The following SNRPA variants were observed in gnomAD, a reference collection of about 807,000 sequenced individuals.
SNRPA encodes U1 small nuclear ribonucleoprotein A.
A neutral mutation model predicts 24.5 loss-of-function variants in SNRPA; 10 were observed. The ratio of observed to expected loss-of-function variants is 0.41; its 90% confidence interval spans 0.25 to 0.69. The LOEUF (loss-of-function observed/expected upper bound fraction) is 0.69. Ranked by LOEUF, SNRPA falls within the 30% of genes least tolerant of loss-of-function variation. The pLI is 0.33. For synonymous variants in SNRPA, 165 were observed against 148.4 expected (o/e 1.11, Z -0.81); for missense variants, 283 against 394.7 (o/e 0.72, Z 2.40).
At chr19:40,752,579 C>CAAAA (rs59705765) in intron 1 of SNRPA, among the ~76,000 whole-genome samples, 23 of 61,248 alleles carry the variant, frequency 3.8e-4, no homozygotes, top group South Asian at 7.2e-4. Flanking sequence ...CTTTTCTCTA[C>CAAAA]AAAAAAAAAA....
At chr19:40,757,667 G>T (rs1376719342) in intron 2 of SNRPA, among the ~76,000 whole-genome samples, 163 bp downstream of exon 2, 2 of 152,020 alleles carry the variant, frequency 1.3e-5, no homozygotes, top group Non-Finnish European at 2.9e-5. Context: ...CTTTGGCCGA[G>T]GGCGGTGGCT....
chr19:40,763,106 T>A, intron 4 of SNRPA, 32 bp downstream of exon 4: 1 of 1,497,138 alleles, frequency 6.7e-7, no homozygotes. Context: ...CCAGGTCTCA[T>A]ATAAATAGTG....
intron 1 of SNRPA, chr19:40,757,006 C>G (rs2082911300): frequency 3.3e-6 from 1 of 301,314 alleles, no homozygotes; most frequent in Non-Finnish European, 6.4e-6. Flanking sequence ...CCACGTCATG[C>G]AGGCCCATGT....
At position 40,759,300 on chromosome 19, in the gene SNRPA, T is replaced by G. The variant is rs2082921376; in HGVS notation, c.247-131T>G. On this transcript the variant is annotated intron_variant, in intron 2 of 5. Coordinates refer to ENST00000243563, the MANE Select transcript of SNRPA (RefSeq NM_004596.5). ...CCTGGCCTCAAGTGATCTGCTCGCTTTAGCCTCCCAAAGGGCTGGGATTAC... is the reference window on the plus strand; with the variant it reads ...CCTGGCCTCAAGTGATCTGCTCGCTGTAGCCTCCCAAAGGGCTGGGATTAC... 3 of 819,532 alleles carry G rather than the reference T, an allele frequency of 3.7e-6. No homozygotes were observed. The East Asian group carries it at 8.9e-5, about 24-fold the overall frequency. 50.8% of individuals were successfully genotyped at this position (819,532 alleles called of 1,614,324 possible).
chr19:40,762,734 A>C (rs2082937951), intron 3 of SNRPA, among the ~76,000 whole-genome samples, 167 bp from the exon 4 acceptor site: 2 of 152,094 alleles, frequency 1.3e-5, no homozygotes, highest in South Asian at 4.1e-4. Flanking sequence ...TTAATGTCCC[A>C]CTAGACCCTG....
At chr19:40,753,580 A>G (rs2082895225) in intron 1 of SNRPA, among the ~76,000 whole-genome samples, 1 of 149,718 alleles carries the variant, frequency 6.7e-6, no homozygotes, top group Non-Finnish European at 1.5e-5. Flanking sequence ...TATTTTTAGT[A>G]GAGACGGGGT....
chr19:40,761,523 G>A lies in SNRPA; in HGVS notation c.427-1378G>A, dbSNP rs527843370. Among the ~76,000 whole-genome samples, 7 of 123,902 alleles carry A rather than the reference G, an allele frequency of 5.6e-5. No homozygotes were observed. The East Asian group carries it at 1.5e-3, about 27-fold the overall frequency. 81.3% of individuals were successfully genotyped at this position (123,902 alleles called of 152,430 possible). ...GCTCTGTAGTCCAGGCTGGAGTGCA[G>A]TGGTGTGATCTCAGCTCTCTGCAAC... is the stretch of plus-strand genomic sequence containing the variant. On this transcript the variant is annotated intron_variant, in intron 3 of 5. Transcript: ENST00000243563.
rs746525368 is a variant in SNRPA at position 40,753,384 on chromosome 19, G to GTTTTTTTTTTTTTT, written c.73+1920_73+1933dup. On this transcript the variant is annotated intron_variant, in intron 1 of 5. Transcript: ENST00000243563. ...AATCAGGAGTGTAAATTTTGCATAT[G>GTTTTTTTTTTTTTT]TTTTTTTTTTTTTTTTTTTTTTTTT... 6.0e-4 allele frequency among the ~76,000 whole-genome samples: 23 copies of GTTTTTTTTTTTTTT among 38,390 alleles called. 2 individuals carry two copies. Among genetic ancestry groups the GTTTTTTTTTTTTTT allele is most frequent in the Non-Finnish European group, 7.7e-4 (18 of 23,278 alleles). 25.2% of individuals were successfully genotyped at this position (38,390 alleles called of 152,430 possible).
At chr19:40,763,372 G>A (rs2082941303) in intron 4 of SNRPA, 2 of 607,318 alleles carry the variant, frequency 3.3e-6, no homozygotes, top group Admixed American at 2.8e-5. Context: ...GCTGCAGCAG[G>A]GACTGAGATA....
Position 40,765,036 on chromosome 19 carries a change from G to A in SNRPA, c.718G>A (p.Val240Ile), listed in dbSNP as rs2082948206. 6.3e-7 allele frequency: 1 copy of A among 1,585,876 alleles called. No homozygotes were observed. The highest frequency in any genetic ancestry group is 1.4e-5 in the African/African-American group (1 of 73,224). The change falls in exon 6 of 6, where the codon GTA becomes ATA. Residue 240 changes from valine (V) to isoleucine (I), a missense_variant. Val to Ile is a conservative substitution (Grantham distance 29). Around this residue, in one of 6 missense-constraint regions of SNRPA, gnomAD observed 51 missense variants for 110.3 expected, o/e 0.46. Coordinates refer to ENST00000243563, the MANE Select transcript of SNRPA (RefSeq NM_004596.5). ...QFPGFKEVRLVPGRHDIAFVE... is the reference protein window; with the variant it reads ...QFPGFKEVRLIPGRHDIAFVE... ...CCCTGGCTTCAAGGAGGTCCGTCTG[G>A]TACCCGGGCGGCATGACATCGCCTT...
At position 40,761,458 on chromosome 19, in the gene SNRPA, C is replaced by CTTTTTTTTTTTTTTTTTTTTTTTTT. The variant is rs200242370; in HGVS notation, c.427-1441_427-1417dup. Among the ~76,000 whole-genome samples, 165 of 85,872 alleles carry CTTTTTTTTTTTTTTTTTTTTTTTTT rather than the reference C, an allele frequency of 1.9e-3. 4 individuals are homozygous for CTTTTTTTTTTTTTTTTTTTTTTTTT. Among genetic ancestry groups the CTTTTTTTTTTTTTTTTTTTTTTTTT allele is most frequent in the Admixed American group, 2.8e-3 (16 of 5,620 alleles). The allele number at this position is 85,872 out of a possible 152,430, so 56.3% of individuals were successfully genotyped here. A position where few individuals can be genotyped will look rare whatever the true frequency, so the allele number is the denominator to read the frequency against. On this transcript the variant is annotated intron_variant, in intron 3 of 5. Coordinates refer to ENST00000243563, the MANE Select transcript of SNRPA (RefSeq NM_004596.5). ...TCTCTTTTCTTTTCTTTTTCTTTTT[C>CTTTTTTTTTTTTTTTTTTTTTTTTT]TTTTTTTTTTTTTTTTTTTTTTTTT...
Position 40,751,428 on chromosome 19 carries a change from G to A in SNRPA, c.20G>A (p.Arg7His), listed in dbSNP as rs1443139173. 2 of 1,613,088 alleles carry A rather than the reference G, an allele frequency of 1.2e-6. No homozygotes were observed. Among genetic ancestry groups the A allele is most frequent in the South Asian group, 1.1e-5 (1 of 91,042 alleles). Residue 7 changes from arginine to histidine, a missense_variant, in exon 1 of 6, where the codon CGC becomes CAC. Around this residue, in one of 6 missense-constraint regions of SNRPA, gnomAD observed 32 missense variants for 26.8 expected, o/e 1.19. Transcript: ENST00000243563. ...CACTCCATGGCAGTTCCCGAGACCC[G>A]CCCTAACCACACTATTTATATCAAC... MAVPET[R>H]PNHTIYINNL... is the part of the protein sequence containing the mutation.
Position 40,761,470 on chromosome 19 carries a change from T to C in SNRPA, c.427-1431T>C, listed in dbSNP as rs1447121614. On this transcript the variant is annotated intron_variant, in intron 3 of 5. Transcript: ENST00000243563. ...TCTTTTTCTTTTTCTTTTTTTTTTT[T>C]TTTTTTTTTTTTTTGAGACAGAGCC... Among the ~76,000 whole-genome samples, 53 of 111,650 alleles carry C rather than the reference T, an allele frequency of 4.7e-4. 1 individual carries two copies. Among genetic ancestry groups the C allele is most frequent in the Non-Finnish European group, 7.6e-4 (41 of 54,208 alleles). 73.2% of individuals were successfully genotyped at this position (111,650 alleles called of 152,430 possible).
chr19:40,761,454 TTTTC>T (rs2082931670), intron 3 of SNRPA, among the ~76,000 whole-genome samples: 5 of 129,028 alleles, frequency 3.9e-5, no homozygotes, highest in Admixed American at 9.4e-5. Flanking sequence ...TTCTTTTTCT[TTTTC>T]TTTTTTTTTT....
At chr19:40,756,520 C>T (rs552503334) in intron 1 of SNRPA, among the ~76,000 whole-genome samples, 7 of 149,900 alleles carry the variant, frequency 4.7e-5, no homozygotes, top group South Asian at 4.2e-4. Context: ...CGCTTGAGTC[C>T]GGGAGGTTGA....
Position 40,765,199 on chromosome 19 carries a change from T to C in SNRPA, c.*32T>C, listed in dbSNP as rs13108. ...TTCCCCCCATGCCTGCCCCTTCCCC[T>C]GTTCTGGGGCCACCCCTTTCCCCCT... On this transcript the variant is annotated 3_prime_UTR_variant, in exon 6 of 6. Coordinates refer to ENST00000243563, the MANE Select transcript of SNRPA (RefSeq NM_004596.5). 0.086 allele frequency: 123,129 copies of C among 1,437,638 alleles called. 6,614 individuals are homozygous for C. The highest frequency in any genetic ancestry group is 0.24 in the African/African-American group (16,272 of 68,176). The allele number at this position is 1,437,638 out of a possible 1,614,324, so 89.1% of individuals were successfully genotyped here.
At chr19:40,759,256 G>A (rs2082921167) in intron 2 of SNRPA, among the ~76,000 whole-genome samples, 175 bp from the exon 3 acceptor site, 5 of 151,506 alleles carry the variant, frequency 3.3e-5, no homozygotes, top group Admixed American at 2.6e-4. Context: ...TGCCATGTTG[G>A]CCAAGCTGGT....
At chr19:40,754,717 C>T (rs1466410564) in intron 1 of SNRPA, among the ~76,000 whole-genome samples, 2 of 152,124 alleles carry the variant, frequency 1.3e-5, no homozygotes, top group Non-Finnish European at 2.9e-5. Flanking sequence ...GAGCTGTGCA[C>T]TGGTGGCTCA....
At chr19:40,754,190 G>A (rs578160570) in intron 1 of SNRPA, among the ~76,000 whole-genome samples, 7 of 144,350 alleles carry the variant, frequency 4.8e-5, no homozygotes, top group African/African-American at 1.3e-4. Context: ...TGCAACCTCC[G>A]CCTCCCGAAT....
Sources: allele counts gnomAD v4.1 joint callset (sites outside exome capture counted in the v4.1 genomes callset), GRCh38; gene constraint gnomAD v4.1.1; regional missense constraint gnomAD v4.1.1; transcripts MANE v1.5; gene names NCBI Gene and HGNC (gene_info 2026-07-23, HGNC 2026-07-21).